RBFOX3: variants seen among roughly 807,000 people sequenced by gnomAD.
RBFOX3 encodes RNA binding protein fox-1 homolog 3.
A neutral mutation model predicts 48.7 loss-of-function variants in RBFOX3; 17 were observed. The observed-to-expected ratio is 0.35, with a 90% CI of 0.24 to 0.52. The LOEUF is 0.52. RBFOX3 is among the 20% of genes least tolerant of loss of function. RBFOX3 has a pLI of 0.94. For synonymous variants in RBFOX3, 212 were observed against 209.5 expected (o/e 1.01, Z -0.10); for missense variants, 382 against 497.5 (o/e 0.77, Z 2.21).
At chr17:79,393,332 A>G (rs1166999083) in intron 2 of RBFOX3, among the ~76,000 whole-genome samples, 1 of 152,228 alleles carries the variant, frequency 6.6e-6, no homozygotes, top group Admixed American at 6.5e-5. Flanking sequence ...CTTGCTTGTT[A>G]GAAGACAGGA....
rs962512609 is a variant in RBFOX3, at chr17:79,208,851, C to T, written c.-34+26915G>A. The stretch of plus-strand genomic sequence containing the variant: ...TTTTGTTTGAGACGGAGTCTCGCTC[C>T]GTCGCCCAGGCTGGAGTGCAGTGAT... On this transcript the variant is annotated intron_variant, in intron 4 of 14. Transcript: ENST00000693108. Among the ~76,000 whole-genome samples, 10 of 151,718 alleles carry T rather than the reference C, an allele frequency of 6.6e-5. No homozygotes were observed. The East Asian group carries it at 1.7e-3, about 27-fold the overall frequency.
chr17:79,620,404 C>T, the RBFOX3 span, among the ~76,000 whole-genome samples: 3 of 151,122 alleles, frequency 2.0e-5, no homozygotes, highest in Non-Finnish European at 3.0e-5. Flanking sequence ...CCCACATGCA[C>T]ACACACGGAC....
chr17:79,554,101 T>C (rs1042189549), intron 1 of RBFOX3, among the ~76,000 whole-genome samples: 61 of 152,332 alleles, frequency 4.0e-4, no homozygotes, highest in Non-Finnish European at 7.6e-4. Context: ...GAAAACAGCT[T>C]TTATTTACTA....
At chr17:79,093,777 G>A (rs1034115948) in intron 14 of RBFOX3, among the ~76,000 whole-genome samples, 9 of 147,224 alleles carry the variant, frequency 6.1e-5, no homozygotes, top group Admixed American at 2.7e-4. Context: ...TGGGCTGCAC[G>A]TGTCAACAGC....
At chr17:79,145,359 A>C (rs143488608) in intron 4 of RBFOX3, among the ~76,000 whole-genome samples, 17 of 152,328 alleles carry the variant, frequency 1.1e-4, no homozygotes, top group African/African-American at 4.1e-4. Flanking sequence ...CCGCACCCTG[A>C]AATTGCCTTG....
intron 2 of RBFOX3, among the ~76,000 whole-genome samples, chr17:79,440,459 T>C (rs530085136): frequency 1.3e-5 from 2 of 152,246 alleles, no homozygotes; most frequent in South Asian, 2.1e-4. Context: ...CCATTGGCTA[T>C]ACCTGGGCCG....
the RBFOX3 span, among the ~76,000 whole-genome samples, chr17:79,661,784 T>C: frequency 6.6e-6 from 1 of 152,242 alleles, no homozygotes; most frequent in East Asian, 1.9e-4. Flanking sequence ...CTATTCACTG[T>C]AGCCATTCCA....
chr17:79,459,481 A>C (rs539489354), intron 2 of RBFOX3, among the ~76,000 whole-genome samples: 1 of 152,292 alleles, frequency 6.6e-6, no homozygotes, highest in Middle Eastern at 3.4e-3. Flanking sequence ...GCACTGGGCA[A>C]CGTCCTGCCC....
intron 5 of RBFOX3, among the ~76,000 whole-genome samples, chr17:79,113,135 G>A (rs562919097): frequency 6.6e-6 from 1 of 152,226 alleles, no homozygotes; most frequent in Admixed American, 6.5e-5. Flanking sequence ...TGAGCTGAAA[G>A]GGCCCTGCTG....
chr17:79,509,821 T>C (rs889421197), intron 1 of RBFOX3, among the ~76,000 whole-genome samples: 35 of 152,220 alleles, frequency 2.3e-4, no homozygotes, highest in African/African-American at 8.4e-4. Flanking sequence ...TGTGCTTCCA[T>C]GGACTCAAGG....
chr17:79,228,052 T>C (rs4789958), intron 4 of RBFOX3, among the ~76,000 whole-genome samples: 110,227 of 152,054 alleles, frequency 0.72, 40,162 homozygotes, highest in African/African-American at 0.81. Context: ...GCAGCCAGGC[T>C]GGCCAGGGAC....
At chr17:79,570,852 A>G (rs898571260) in intron 1 of RBFOX3, among the ~76,000 whole-genome samples, 2 of 152,144 alleles carry the variant, frequency 1.3e-5, no homozygotes, top group African/African-American at 2.4e-5. Flanking sequence ...GCTGCTTTGC[A>G]TGCCTTGCAA....
intron 2 of RBFOX3, among the ~76,000 whole-genome samples, chr17:79,367,933 CTG>C (rs1271266631): frequency 1.3e-5 from 2 of 152,200 alleles, no homozygotes; most frequent in African/African-American, 2.4e-5. Flanking sequence ...CGGCATGACT[CTG>C]TGTGCATTCA....
intron 1 of RBFOX3, among the ~76,000 whole-genome samples, chr17:79,531,977 A>T (rs2087854330): frequency 6.6e-6 from 1 of 152,174 alleles, no homozygotes; most frequent in African/African-American, 2.4e-5. Context: ...GCTGCAGGGG[A>T]GGGTCCTCAA....
rs58455086 is a variant in RBFOX3, at chr17:79,136,938, C to T, written c.-33-21190G>A. Among the ~76,000 whole-genome samples, 950 of 152,242 alleles carry T rather than the reference C, an allele frequency of 6.2e-3. 16 individuals are homozygous for T. The highest frequency in any genetic ancestry group is 0.022 in the African/African-American group (915 of 41,538). ...CACACTCGCTCTAAGAAGGAGGCTC[C>T]ATCCCAGGGGCGTGGGGACAGCTTG... is the stretch of plus-strand genomic sequence containing the variant. On this transcript the variant is annotated intron_variant, in intron 4 of 14. Transcript: ENST00000693108.
chr17:79,403,785 T>TC (rs1301283270), intron 2 of RBFOX3, among the ~76,000 whole-genome samples: 1 of 108,120 alleles, frequency 9.2e-6, no homozygotes, highest in Non-Finnish European at 2.1e-5. Flanking sequence ...TCTTTTTCTT[T>TC]TTTTTTTTTT....
chr17:79,101,749 GC>G, intron 8 of RBFOX3, 105 bp from the exon 9 acceptor site: 2 of 920,774 alleles, frequency 2.2e-6, no homozygotes, highest in Non-Finnish European at 3.3e-6. Context: ...GGCACCCCCC[GC>G]CCCAGCCTCC....
At chr17:79,539,734 T>C (rs1006790219) in intron 1 of RBFOX3, among the ~76,000 whole-genome samples, 6 of 152,216 alleles carry the variant, frequency 3.9e-5, no homozygotes, top group African/African-American at 1.4e-4. Flanking sequence ...GCAAATATTT[T>C]TATAGCTCAT....
At position 79,105,267 on chromosome 17, in the gene RBFOX3, G is replaced by A. The variant is rs374514843; in HGVS notation, c.361-1141C>T. Reference sequence around the variant, plus strand: ...TTCTGCAGGGACCCAGGGAGCTGATGGGGGACAGTGTCCCCATCCTGCAGG... The same window carrying A: ...TTCTGCAGGGACCCAGGGAGCTGATAGGGGACAGTGTCCCCATCCTGCAGG... On this transcript the variant is annotated intron_variant, in intron 6 of 14. Coordinates refer to ENST00000693108, the MANE Select transcript of RBFOX3 (RefSeq NM_001350451.2). Among the ~76,000 whole-genome samples the A allele has an allele frequency of 6.6e-5, 10 of 152,100 alleles. No homozygotes were observed. The East Asian group carries it at 1.9e-3, about 29-fold the overall frequency.
Sources: allele counts gnomAD v4.1 joint callset (sites outside exome capture counted in the v4.1 genomes callset), GRCh38; gene constraint gnomAD v4.1.1; transcripts MANE v1.5; gene names NCBI Gene and HGNC (gene_info 2026-07-23, HGNC 2026-07-21).